The following ZFP91 variants were observed in gnomAD, a reference collection of about 807,000 sequenced individuals.
The protein encoded by ZFP91 is E3 ubiquitin-protein ligase ZFP91.
A neutral mutation model predicts 63.5 loss-of-function variants in ZFP91; 7 were observed. That is an observed-to-expected ratio of 0.11 (90% confidence interval 0.06 to 0.21). The LOEUF is 0.21. Among genes scored for constraint, ZFP91 ranks in the 10% least tolerant of loss-of-function variants. ZFP91 has a pLI of 1.00. For missense variants in ZFP91, 628 were observed against 736.6 expected (o/e 0.85, Z 1.71); for synonymous variants, 330 against 272.1 (o/e 1.21, Z -2.10).
Position 58,618,452 on chromosome 11 carries a change from A to G in ZFP91, c.*746A>G. 2.8e-6 allele frequency: 1 copy of G among 352,084 alleles called. No homozygotes were observed. 21.8% of individuals were successfully genotyped at this position (352,084 alleles called of 1,614,324 possible). A position where few individuals can be genotyped will look rare whatever the true frequency, so the allele number is the denominator to read the frequency against. On this transcript the variant is annotated 3_prime_UTR_variant, in exon 11 of 11. Transcript: ENST00000316059. ...CCTCTACAGTCTCTTTGACTGTAAG[A>G]CAGGGCTCTGTATCAGTGAGACGAT... is the stretch of plus-strand genomic sequence containing the variant.
chr11:58,612,884 T>G (rs754572593), intron 8 of ZFP91, 44 bp downstream of exon 8: 3 of 1,527,484 alleles, frequency 2.0e-6, no homozygotes, highest in Non-Finnish European at 2.7e-6. Flanking sequence ...TTGTGTTCCA[T>G]TACTTGTTCT....
Position 58,579,472 on chromosome 11 carries a change from C to T in ZFP91, c.191C>T (p.Ala64Val), listed in dbSNP as rs1234668704. 1.0e-5 allele frequency: 15 copies of T among 1,475,742 alleles called. No homozygotes were observed. In the Admixed American group the frequency reaches 1.3e-4, roughly 13 times the overall value. The allele number at this position is 1,475,742 out of a possible 1,614,324, so 91.4% of individuals were successfully genotyped here. Residue 64 changes from alanine to valine, a missense_variant, in exon 1 of 11, where the codon GCC (alanine) becomes GTC (valine). By Grantham distance (64) the Ala-to-Val change is moderately conservative. This residue lies in a region of ZFP91 where 437 missense variants were observed against 380.3 expected (regional missense o/e 1.15). Transcript: ENST00000316059. Reference sequence around the variant, plus strand: ...CGAGGCCGGGCCGCTGCGGCCGCCGCCGCCGCAGCTGTGTCCCGCCGGAGG... The same window carrying T: ...CGAGGCCGGGCCGCTGCGGCCGCCGTCGCCGCAGCTGTGTCCCGCCGGAGG... The part of the protein sequence containing the change: ...RDRGRAAAAA[A>V]AAAVSRRRKA...
At chr11:58,616,664 A>C in intron 9 of ZFP91, 52 bp from the exon 10 acceptor site, 1 of 1,508,412 alleles carries the variant, frequency 6.6e-7, no homozygotes, top group Non-Finnish European at 9.2e-7. Context: ...TGTAAGGGAA[A>C]ATATTTACAG....
At chr11:58,596,951 T>C (rs1385815951) in intron 2 of ZFP91, among the ~76,000 whole-genome samples, 1 of 152,190 alleles carries the variant, frequency 6.6e-6, no homozygotes. Context: ...AAGATTCTTA[T>C]GACCCGCTGA....
Position 58,579,476 on chromosome 11 carries a change from C to A in ZFP91, c.195C>A (p.Ala65=). 6.7e-7 allele frequency: 1 copy of A among 1,495,008 alleles called. No homozygotes were observed. The highest frequency in any genetic ancestry group is 8.9e-7 in the Non-Finnish European group (1 of 1,128,240). 92.6% of individuals were successfully genotyped at this position (1,495,008 alleles called of 1,614,324 possible). Reference sequence around the variant, plus strand: ...GCCGGGCCGCTGCGGCCGCCGCCGCCGCAGCTGTGTCCCGCCGGAGGAAGG... The same window carrying A: ...GCCGGGCCGCTGCGGCCGCCGCCGCAGCAGCTGTGTCCCGCCGGAGGAAGG... ...DRGRAAAAAA[A]AAVSRRRKAE... Residue 65 remains alanine (A), a synonymous_variant, in exon 1 of 11, where the codon GCC becomes GCA. Transcript: ENST00000316059.
chr11:58,603,665 T>C (rs1855526442), intron 2 of ZFP91, among the ~76,000 whole-genome samples: 1 of 152,198 alleles, frequency 6.6e-6, no homozygotes, highest in African/African-American at 2.4e-5. Context: ...GTATTAGACT[T>C]CCTGGGGCCA....
intron 2 of ZFP91, among the ~76,000 whole-genome samples, chr11:58,593,347 A>G (rs767072871): frequency 3.3e-5 from 5 of 152,232 alleles, no homozygotes; most frequent in Non-Finnish European, 5.9e-5. Flanking sequence ...TACTTAGGCT[A>G]CAATAAATTT....
chr11:58,591,361 G>A (rs992031306), intron 2 of ZFP91, among the ~76,000 whole-genome samples: 1 of 152,158 alleles, frequency 6.6e-6, no homozygotes, highest in Non-Finnish European at 1.5e-5. Flanking sequence ...CTGTTTTACT[G>A]TTGATGGATG....
chr11:58,593,986 T>C (rs1183270983), intron 2 of ZFP91, among the ~76,000 whole-genome samples: 1 of 152,234 alleles, frequency 6.6e-6, no homozygotes, highest in Non-Finnish European at 1.5e-5. Context: ...TTATTATCTG[T>C]TGCCTGGCAT....
In ZFP91 at chr11:58,620,625, A is replaced by G. The variant is rs939551397; in HGVS notation, c.*2919A>G. ...GTAAAATAAAAATATCGAGGTATAG[A>G]CTAGCATCCACATAGAGCACTTGAA... On this transcript the variant is annotated 3_prime_UTR_variant, in exon 11 of 11. Transcript: ENST00000316059. 1.7e-4 allele frequency: 26 copies of G among 152,774 alleles called. No homozygotes were observed. The highest frequency in any genetic ancestry group is 6.3e-4 in the African/African-American group (26 of 41,578). 9.5% of individuals were successfully genotyped at this position (152,774 alleles called of 1,614,324 possible).
At chr11:58,580,964 A>G (rs1398274901) in intron 1 of ZFP91, among the ~76,000 whole-genome samples, 1 of 152,202 alleles carries the variant, frequency 6.6e-6, no homozygotes, top group African/African-American at 2.4e-5. Context: ...AGATACATGT[A>G]TATCATTGAC....
At chr11:58,582,329 C>G (rs1216129515) in intron 1 of ZFP91, among the ~76,000 whole-genome samples, 2 of 152,146 alleles carry the variant, frequency 1.3e-5, no homozygotes, top group Non-Finnish European at 2.9e-5. Flanking sequence ...AGTCCAAACC[C>G]TGGTCTGGTA....
At chr11:58,580,093 C>CT (rs11416026) in intron 1 of ZFP91, among the ~76,000 whole-genome samples, 6,634 of 144,358 alleles carry the variant, frequency 0.046, 500 homozygotes, top group African/African-American at 0.15. Context: ...GTTTATGTAG[C>CT]TTTTTTTTTT....
At position 58,618,811 on chromosome 11, in the gene ZFP91, G is replaced by A. The variant is rs1855798204; in HGVS notation, c.*1105G>A. The A allele has an allele frequency of 7.1e-6, 3 of 421,500 alleles. No homozygotes were observed. The highest frequency in any genetic ancestry group is 3.5e-5 in the South Asian group (2 of 57,430). 26.1% of individuals were successfully genotyped at this position (421,500 alleles called of 1,614,324 possible). Reference sequence around the variant, plus strand: ...GTGCTTTTTTGGAAGCCTTTTTAGGGAAGAATGTTAGGTTCATGGTAACTA... The same window carrying A: ...GTGCTTTTTTGGAAGCCTTTTTAGGAAAGAATGTTAGGTTCATGGTAACTA... On this transcript the variant is annotated 3_prime_UTR_variant, in exon 11 of 11. Coordinates refer to ENST00000316059, the MANE Select transcript of ZFP91 (RefSeq NM_053023.5).
rs1451436878 is a variant in ZFP91, at chr11:58,585,851, A to G, written c.370+967A>G. Among the ~76,000 whole-genome samples, 5 of 152,332 alleles carry G rather than the reference A, an allele frequency of 3.3e-5. No homozygotes were observed. The South Asian group carries it at 1.0e-3, about 32-fold the overall frequency. ...TGCCATATGGAAGAATGATAGTGTA[A>G]TTTAAGAACCAATAACTTGCATTGG... On this transcript the variant is annotated intron_variant, in intron 2 of 10. Coordinates refer to ENST00000316059, the MANE Select transcript of ZFP91 (RefSeq NM_053023.5).
In ZFP91 at chr11:58,620,340, T is replaced by C. The variant is rs1855828078; in HGVS notation, c.*2634T>C. The stretch of plus-strand genomic sequence containing the variant: ...CCTCATTGTCCTTCCAGGGAGCTCT[T>C]TTAATCTTAAAGTTCTACATTTCAT... On this transcript the variant is annotated 3_prime_UTR_variant, in exon 11 of 11. Transcript: ENST00000316059. 6.6e-6 allele frequency: 1 copy of C among 152,208 alleles called. No individual in the cohort carries two copies. The highest frequency in any genetic ancestry group is 6.5e-5 in the Admixed American group (1 of 15,276). The allele number at this position is 152,208 out of a possible 1,614,324, so 9.4% of individuals were successfully genotyped here.
chr11:58,614,759 A>G (rs368935348), intron 9 of ZFP91, among the ~76,000 whole-genome samples: 8 of 152,190 alleles, frequency 5.3e-5, no homozygotes, highest in African/African-American at 7.2e-5. Context: ...GAGAAGCATA[A>G]TACTCTGCTG....
At chr11:58,613,711 T>C (rs538672293) in intron 8 of ZFP91, among the ~76,000 whole-genome samples, 1 of 152,286 alleles carries the variant, frequency 6.6e-6, no homozygotes, top group South Asian at 2.1e-4. Context: ...GAGTAGATTA[T>C]TATTATTATT....
At position 58,610,336 on chromosome 11, in the gene ZFP91, TA is replaced by T. The variant is rs199991349; in HGVS notation, c.617+10del. ...GCATCAGTCTCCAGGTGGCATTAGGTAAAAAAAACATTAATATTTCATTTTT... is the reference window on the plus strand; with the variant it reads ...GCATCAGTCTCCAGGTGGCATTAGGTAAAAAAACATTAATATTTCATTTTT... On this transcript the variant is annotated splice_donor_region_variant and intron_variant, in intron 4 of 10. Coordinates refer to ENST00000316059, the MANE Select transcript of ZFP91 (RefSeq NM_053023.5). The T allele has an allele frequency of 1.3e-5, 20 of 1,582,850 alleles. No homozygotes were observed. The highest frequency in any genetic ancestry group is 7.5e-5 in the Admixed American group (4 of 53,488).
Sources: allele counts gnomAD v4.1 joint callset (sites outside exome capture counted in the v4.1 genomes callset), GRCh38; gene constraint gnomAD v4.1.1; regional missense constraint gnomAD v4.1.1; transcripts MANE v1.5; gene names NCBI Gene and HGNC (gene_info 2026-07-23, HGNC 2026-07-21).